Variants in NRXN1 observed in about 807,000 individuals in gnomAD.
The protein encoded by NRXN1 is neurexin-1.
Under a neutral mutation model 150.9 loss-of-function variants are expected in NRXN1, and 39 were observed. The ratio of observed to expected loss-of-function variants is 0.26; its 90% CI spans 0.20 to 0.34. The LOEUF (loss-of-function observed/expected upper bound fraction) is 0.34. NRXN1 is among the 10% of genes least tolerant of loss of function. NRXN1 has a pLI of 1.00. For synonymous variants in NRXN1, 924 were observed against 757.0 expected (o/e 1.22, Z -3.62); for missense variants, 1,815 against 1,949.9 (o/e 0.93, Z 1.30).
chr2:50,345,008 C>A (rs960814083), intron 17 of NRXN1, among the ~76,000 whole-genome samples: 2 of 152,180 alleles, frequency 1.3e-5, no homozygotes, highest in Non-Finnish European at 2.9e-5. Context: ...GAACTGCACC[C>A]AGGTAAAGGG....
chr2:50,043,585 T>C lies in NRXN1; in HGVS notation c.4128+9686A>G, dbSNP rs941714910. On this transcript the variant is annotated intron_variant, in intron 21 of 22. Coordinates refer to ENST00000401669, the MANE Select transcript of NRXN1 (RefSeq NM_001330078.2). The stretch of plus-strand genomic sequence containing the variant: ...CTTTGGATCCATGAACACAAGTACC[T>C]ACATCATTTTCTAGCTGTGGACTCA... Among the ~76,000 whole-genome samples, 6 of 152,210 alleles carry C rather than the reference T, an allele frequency of 3.9e-5. No homozygotes were observed. In the East Asian group the frequency reaches 9.6e-4, roughly 24 times the overall value.
chr2:50,149,050 G>A (rs910927694), intron 18 of NRXN1, among the ~76,000 whole-genome samples: 1 of 151,752 alleles, frequency 6.6e-6, no homozygotes, highest in Non-Finnish European at 1.5e-5. Flanking sequence ...AGTGAAAATA[G>A]AGGTCTTTCA....
intron 21 of NRXN1, among the ~76,000 whole-genome samples, chr2:50,014,751 C>T (rs1201781937): frequency 3.9e-5 from 6 of 152,000 alleles, no homozygotes; most frequent in South Asian, 2.1e-4. Context: ...TGAACTCCAG[C>T]GACTTAATTC....
chr2:50,357,302 A>ATTTATTTATTTATTTT (rs59536239), intron 17 of NRXN1, among the ~76,000 whole-genome samples: 15 of 142,896 alleles, frequency 1.0e-4, no homozygotes, highest in Middle Eastern at 3.6e-3. Flanking sequence ...TTATTTATTT[A>ATTTATTTATTTATTTT]TTTTTTTTTT....
chr2:49,963,472 C>T (rs929123452), intron 21 of NRXN1, among the ~76,000 whole-genome samples: 3 of 152,158 alleles, frequency 2.0e-5, no homozygotes, highest in African/African-American at 2.4e-5. Context: ...TATGTTTGGG[C>T]GGTGGCAGAG....
At chr2:50,649,807 A>C (rs964043061) in intron 5 of NRXN1, among the ~76,000 whole-genome samples, 2 of 151,996 alleles carry the variant, frequency 1.3e-5, no homozygotes, top group African/African-American at 4.8e-5. Flanking sequence ...CTGGGACATG[A>C]TACAGAGTTC....
At chr2:50,004,113 A>G (rs996648865) in intron 21 of NRXN1, among the ~76,000 whole-genome samples, 7 of 152,138 alleles carry the variant, frequency 4.6e-5, no homozygotes, top group African/African-American at 1.7e-4. Context: ...TGGCAGAGAT[A>G]AAAGAAGATG....
chr2:50,732,664 C>T lies in NRXN1; in HGVS notation c.833-109049G>A, dbSNP rs192941611. On this transcript the variant is annotated intron_variant, in intron 5 of 22. Transcript: ENST00000401669. The stretch of plus-strand genomic sequence containing the variant: ...CTTGACCCCGATTTTCCTTTAAATC[C>T]GTATCTCAAAGTATTTTAAATCTGA... Among the ~76,000 whole-genome samples, 6 of 152,136 alleles carry T rather than the reference C, an allele frequency of 3.9e-5. No homozygotes were observed. In the East Asian group the frequency reaches 1.2e-3, roughly 29 times the overall value.
chr2:50,414,249 C>A (rs940259416), intron 17 of NRXN1, among the ~76,000 whole-genome samples: 8 of 151,998 alleles, frequency 5.3e-5, no homozygotes, highest in Non-Finnish European at 1.2e-4. Context: ...GGGATGGATA[C>A]CCCATTCTTT....
At chr2:50,710,413 C>T (rs1695003524) in intron 5 of NRXN1, among the ~76,000 whole-genome samples, 1 of 152,188 alleles carries the variant, frequency 6.6e-6, no homozygotes, top group South Asian at 2.1e-4. Flanking sequence ...CCTAACAACA[C>T]ACATACCCAC....
intron 17 of NRXN1, among the ~76,000 whole-genome samples, chr2:50,266,101 C>T (rs1036542405): frequency 3.3e-5 from 5 of 149,726 alleles, no homozygotes; most frequent in African/African-American, 9.8e-5. Flanking sequence ...TGGGTTCAAC[C>T]GACTCCCCTG....
At chr2:50,223,375 A>G (rs2064067999) in intron 18 of NRXN1, among the ~76,000 whole-genome samples, 1 of 151,964 alleles carries the variant, frequency 6.6e-6, no homozygotes, top group Non-Finnish European at 1.5e-5. Flanking sequence ...ACCCTTCTCA[A>G]TAACCAGTTA....
chr2:50,237,715 G>A (rs1433969962), intron 17 of NRXN1, among the ~76,000 whole-genome samples: 1 of 151,810 alleles, frequency 6.6e-6, no homozygotes, highest in East Asian at 1.9e-4. Context: ...ATGGTTGTCT[G>A]GTCAGTAAAT....
intron 5 of NRXN1, among the ~76,000 whole-genome samples, chr2:50,668,036 A>G (rs1213113357): frequency 6.6e-6 from 1 of 152,018 alleles, no homozygotes; most frequent in African/African-American, 2.4e-5. Context: ...TCTTTGTGTA[A>G]TAAGATGCTT....
chr2:50,936,178 G>T (rs1174688440), intron 2 of NRXN1, among the ~76,000 whole-genome samples: 1 of 152,112 alleles, frequency 6.6e-6, no homozygotes, highest in Non-Finnish European at 1.5e-5. Context: ...AGATACTGAG[G>T]TCATCTGATA....
chr2:50,431,665 A>G (rs2104373916), intron 17 of NRXN1, among the ~76,000 whole-genome samples: 1 of 152,342 alleles, frequency 6.6e-6, no homozygotes, highest in South Asian at 2.1e-4. Context: ...GTGTTATTAT[A>G]ACACAGCCAT....
intron 18 of NRXN1, among the ~76,000 whole-genome samples, chr2:50,110,524 T>C (rs1312409065): frequency 1.3e-5 from 2 of 148,366 alleles, no homozygotes; most frequent in Non-Finnish European, 1.5e-5. Context: ...AAAGAAAGAA[T>C]GTTGAGAAAG....
intron 18 of NRXN1, among the ~76,000 whole-genome samples, chr2:50,099,261 G>A (rs1009001729): frequency 6.6e-6 from 1 of 151,970 alleles, no homozygotes; most frequent in African/African-American, 2.4e-5. Flanking sequence ...CAACTTTAGG[G>A]TAGGAAAAAA....
intron 17 of NRXN1, among the ~76,000 whole-genome samples, chr2:50,358,117 A>G (rs186958121): frequency 8.5e-5 from 13 of 152,196 alleles, no homozygotes; most frequent in African/African-American, 3.1e-4. Flanking sequence ...TGCCTACACC[A>G]CAAGGGACCT....
Sources: allele counts gnomAD v4.1 joint callset (sites outside exome capture counted in the v4.1 genomes callset), GRCh38; gene constraint gnomAD v4.1.1; transcripts MANE v1.5; gene names NCBI Gene and HGNC (gene_info 2026-07-23, HGNC 2026-07-21).